The following NMU variants were observed in gnomAD, a reference collection of about 807,000 sequenced individuals.
The protein encoded by NMU is neuromedin-U.
In NMU, 29 loss-of-function variants were observed where a neutral mutation model predicts 35.4. That is an observed-to-expected ratio of 0.82 (90% CI 0.61 to 1.12). NMU has a LOEUF of 1.12. Among genes scored for constraint, NMU ranks in the 50% most tolerant of loss-of-function variants. The probability of loss-of-function intolerance (pLI) is 0.00; values close to 1 mark genes in which losing one functional copy is unlikely to be tolerated. For missense variants in NMU, 199 were observed against 206.2 expected (o/e 0.97, Z 0.21); for synonymous variants, 78 against 81.3 (o/e 0.96, Z 0.22).
intron 3 of NMU, among the ~76,000 whole-genome samples, chr4:55,609,534 C>T (rs1733848393): frequency 6.6e-6 from 1 of 152,204 alleles, no homozygotes; most frequent in Non-Finnish European, 1.5e-5. Context: ...TTATTCTTCC[C>T]AGCTTGTAGC....
At chr4:55,633,181 C>T (rs1236915235) in intron 1 of NMU, among the ~76,000 whole-genome samples, 2 of 151,688 alleles carry the variant, frequency 1.3e-5, no homozygotes, top group Non-Finnish European at 2.9e-5. Context: ...AAAAATTAGC[C>T]GGGCATGGTG....
At chr4:55,629,337 G>C (rs988677588) in intron 2 of NMU, among the ~76,000 whole-genome samples, 1 of 151,802 alleles carries the variant, frequency 6.6e-6, no homozygotes, top group African/African-American at 2.4e-5. Context: ...CTGGGCTGAA[G>C]TGGTCGGGTG....
intron 6 of NMU, among the ~76,000 whole-genome samples, chr4:55,606,735 T>C (rs927763572): frequency 5.9e-5 from 9 of 151,426 alleles, no homozygotes; most frequent in African/African-American, 2.2e-4. Flanking sequence ...TGGAGTGCAG[T>C]GGCGTGATCT....
intron 1 of NMU, among the ~76,000 whole-genome samples, chr4:55,633,001 TA>T (rs60475340): frequency 0.37 from 53,648 of 146,716 alleles, 10,051 homozygotes; most frequent in South Asian, 0.43. Context: ...GAAACAAAAT[TA>T]AAAAAAAATT....
At chr4:55,607,677 A>G (rs1318206870) in intron 4 of NMU, among the ~76,000 whole-genome samples, 1 of 152,230 alleles carries the variant, frequency 6.6e-6, no homozygotes, top group Non-Finnish European at 1.5e-5. Context: ...AGATGTGCAT[A>G]AAGATCTCTT....
chr4:55,616,507 T>C (rs1029168453), intron 2 of NMU, 122 bp from the exon 3 acceptor site: 8 of 786,888 alleles, frequency 1.0e-5, no homozygotes, highest in African/African-American at 8.7e-5. Flanking sequence ...TTTAGGACTC[T>C]GGATTTGGAA....
chr4:55,607,243 TTTCA>T, intron 6 of NMU, 51 bp downstream of exon 6: 1 of 1,324,704 alleles, frequency 7.5e-7, no homozygotes, highest in Non-Finnish European at 1.1e-6. Context: ...GCAAAAACAG[TTTCA>T]TTCTTTTAAA....
At chr4:55,626,246 A>T (rs777829931) in intron 2 of NMU, among the ~76,000 whole-genome samples, 1 of 152,154 alleles carries the variant, frequency 6.6e-6, no homozygotes, top group South Asian at 2.1e-4. Context: ...GAACATCTTT[A>T]TATGTTTTAG....
chr4:55,617,696 C>G (rs980402367), intron 2 of NMU, among the ~76,000 whole-genome samples: 11 of 152,170 alleles, frequency 7.2e-5, no homozygotes, highest in Admixed American at 3.9e-4. Context: ...TTGAGCAATG[C>G]TTACTACATC....
Position 55,600,507 on chromosome 4 carries a change from A to G in NMU, c.489+15T>C. The G allele has an allele frequency of 6.4e-7, 1 of 1,558,250 alleles. No individual in the cohort carries two copies. The highest frequency in any genetic ancestry group is 8.8e-7 in the Non-Finnish European group (1 of 1,130,598). On this transcript the variant is annotated intron_variant, in intron 8 of 9. Transcript: ENST00000264218. ...TGGTGTAGATTGATTTTTTAAAAAT[A>G]CAGTATGTACCTACCCTGAATAAAA... is the stretch of plus-strand genomic sequence containing the variant.
chr4:55,630,086 A>T (rs566785508), intron 2 of NMU, among the ~76,000 whole-genome samples: 6 of 152,018 alleles, frequency 3.9e-5, no homozygotes, highest in Non-Finnish European at 7.4e-5. Context: ...ACTGATAGAC[A>T]ATATATTTCT....
intron 2 of NMU, among the ~76,000 whole-genome samples, chr4:55,626,227 G>T (rs559462983): frequency 6.6e-6 from 1 of 152,186 alleles, no homozygotes; most frequent in Non-Finnish European, 1.5e-5. Flanking sequence ...TCATTTCATT[G>T]TTACTAATGA....
intron 3 of NMU, among the ~76,000 whole-genome samples, chr4:55,614,193 T>A (rs1734032911): frequency 6.6e-6 from 1 of 152,188 alleles, no homozygotes; most frequent in Non-Finnish European, 1.5e-5. Context: ...TGATATCCAG[T>A]TAAAAAGTCC....
intron 1 of NMU, among the ~76,000 whole-genome samples, chr4:55,633,724 G>A (rs1715744003): frequency 1.3e-5 from 2 of 152,180 alleles, no homozygotes; most frequent in South Asian, 4.1e-4. Flanking sequence ...TTTTCTCATT[G>A]TGAGTATGTA....
intron 2 of NMU, among the ~76,000 whole-genome samples, chr4:55,625,585 G>T (rs1302676933): frequency 3.3e-5 from 5 of 151,936 alleles, no homozygotes; most frequent in Non-Finnish European, 5.9e-5. Context: ...AGGTACAAAG[G>T]GTACTCTTCT....
intron 2 of NMU, among the ~76,000 whole-genome samples, chr4:55,628,814 G>GT (rs200611175): frequency 3.6e-4 from 55 of 150,918 alleles, no homozygotes; most frequent in Admixed American, 1.7e-3. Flanking sequence ...CTTCATTCCT[G>GT]TTTTTTTTTA....
intron 2 of NMU, among the ~76,000 whole-genome samples, chr4:55,627,701 A>G (rs867153167): frequency 6.6e-6 from 1 of 152,192 alleles, no homozygotes; most frequent in Non-Finnish European, 1.5e-5. Flanking sequence ...AGAAATGTAT[A>G]TTGGTATTAT....
chr4:55,602,598 G>C (rs777532562), intron 7 of NMU, among the ~76,000 whole-genome samples: 1 of 152,264 alleles, frequency 6.6e-6, no homozygotes, highest in South Asian at 2.1e-4. Flanking sequence ...TTAAGAAACT[G>C]TATCTTTAAG....
intron 7 of NMU, 40 bp from the exon 8 acceptor site, chr4:55,600,615 T>G (rs1422603183): frequency 7.1e-7 from 1 of 1,401,008 alleles, no homozygotes; most frequent in Non-Finnish European, 1.0e-6. Flanking sequence ...CACATAACAC[T>G]AAAAATAAGT....
Sources: allele counts gnomAD v4.1 joint callset (sites outside exome capture counted in the v4.1 genomes callset), GRCh38; gene constraint gnomAD v4.1.1; transcripts MANE v1.5; gene names NCBI Gene and HGNC (gene_info 2026-07-23, HGNC 2026-07-21).